The following LUZP2 variants were observed in gnomAD, a reference collection of about 807,000 sequenced individuals.
The protein encoded by LUZP2 is leucine zipper protein 2.
In LUZP2, 52 loss-of-function variants were observed where a neutral mutation model predicts 51.6. The ratio of observed to expected loss-of-function variants is 1.01; its 90% CI spans 0.81 to 1.27. The LOEUF (loss-of-function observed/expected upper bound fraction) is 1.27. LUZP2 is among the 50% of genes most tolerant of loss of function. The probability of loss-of-function intolerance (pLI) is 0.00; values close to 1 mark genes in which losing one functional copy is unlikely to be tolerated. For missense variants in LUZP2, 436 were observed against 395.4 expected (o/e 1.10, Z -0.87); for synonymous variants, 154 against 137.3 (o/e 1.12, Z -0.85).
At chr11:24,665,615 A>T (rs1042845891) in intron 1 of LUZP2, among the ~76,000 whole-genome samples, 4 of 152,112 alleles carry the variant, frequency 2.6e-5, no homozygotes, top group Non-Finnish European at 2.9e-5. Flanking sequence ...ATTTCCCCCC[A>T]TGCTATTCTC....
At chr11:24,572,648 G>A (rs1244978381) in intron 1 of LUZP2, among the ~76,000 whole-genome samples, 1 of 151,986 alleles carries the variant, frequency 6.6e-6, no homozygotes, top group Non-Finnish European at 1.5e-5. Flanking sequence ...AAAACTGAGG[G>A]GTGAAGCCTG....
At chr11:24,991,392 G>A (rs1350804118) in intron 9 of LUZP2, among the ~76,000 whole-genome samples, 1,478 of 104,344 alleles carry the variant, frequency 0.014, 34 homozygotes, top group East Asian at 0.092. Flanking sequence ...GTGTGTGTGT[G>A]TGTGTATATA....
In LUZP2 at chr11:24,922,918, G is replaced by C. The variant is rs181977143; in HGVS notation, c.522+8380G>C. Among the ~76,000 whole-genome samples the C allele has an allele frequency of 3.7e-3, 509 of 136,906 alleles. 6 individuals carry two copies. The highest frequency in any genetic ancestry group is 0.013 in the African/African-American group (464 of 36,220). The allele number at this position is 136,906 out of a possible 152,430, so 89.8% of individuals were successfully genotyped here. On this transcript the variant is annotated intron_variant, in intron 7 of 11. Transcript: ENST00000336930. Reference sequence around the variant, plus strand: ...GGCTGGAGTGCAGTGGCACGATCTCGGCTTACTGAAAGCTCCGCCTCCCGG... The same window carrying C: ...GGCTGGAGTGCAGTGGCACGATCTCCGCTTACTGAAAGCTCCGCCTCCCGG...
chr11:24,986,127 T>C (rs2133919221), intron 9 of LUZP2, among the ~76,000 whole-genome samples: 1 of 151,884 alleles, frequency 6.6e-6, no homozygotes. Flanking sequence ...CATGTCACTG[T>C]GTTTATTCAG....
chr11:24,568,367 A>T (rs942370618), intron 1 of LUZP2, among the ~76,000 whole-genome samples: 8 of 151,846 alleles, frequency 5.3e-5, no homozygotes, highest in African/African-American at 1.9e-4. Flanking sequence ...AAAAAAAAAA[A>T]AAAAAAGGAC....
At chr11:24,700,619 G>C (rs888941555) in intron 1 of LUZP2, among the ~76,000 whole-genome samples, 3 of 151,714 alleles carry the variant, frequency 2.0e-5, no homozygotes, top group African/African-American at 7.3e-5. Context: ...ACTTAAAATT[G>C]GTGCTAAATA....
chr11:24,775,823 T>C (rs191405076), intron 5 of LUZP2, among the ~76,000 whole-genome samples: 25 of 152,284 alleles, frequency 1.6e-4, no homozygotes, highest in African/African-American at 6.0e-4. Flanking sequence ...TTTAGCTCTT[T>C]ACTCTTATGC....
intron 7 of LUZP2, among the ~76,000 whole-genome samples, chr11:24,923,550 A>G (rs1272375756): frequency 6.6e-6 from 1 of 152,020 alleles, no homozygotes; most frequent in African/African-American, 2.4e-5. Context: ...TACAAAAATT[A>G]GCTGGGCTTG....
chr11:24,532,278 A>T (rs188171727), intron 1 of LUZP2, among the ~76,000 whole-genome samples: 313 of 151,092 alleles, frequency 2.1e-3, no homozygotes, highest in Non-Finnish European at 3.6e-3. Flanking sequence ...AATAAGAATA[A>T]TTCATTTATA....
At chr11:24,783,627 A>G (rs1402325891) in intron 5 of LUZP2, among the ~76,000 whole-genome samples, 1 of 151,906 alleles carries the variant, frequency 6.6e-6, no homozygotes, top group Non-Finnish European at 1.5e-5. Context: ...GCAACCTTCA[A>G]CTTCTGTGGA....
chr11:24,959,414 A>G (rs1445000057), intron 7 of LUZP2, among the ~76,000 whole-genome samples: 3 of 151,968 alleles, frequency 2.0e-5, no homozygotes, highest in African/African-American at 7.3e-5. Context: ...ATTTGTTTGT[A>G]TCCTCTTTTA....
intron 9 of LUZP2, among the ~76,000 whole-genome samples, chr11:25,044,759 C>T (rs770436266): frequency 7.3e-5 from 11 of 151,674 alleles, no homozygotes; most frequent in South Asian, 2.1e-4. Flanking sequence ...CACATGCGCA[C>T]GTATGTTTAT....
At chr11:24,694,389 C>T (rs1404883789) in intron 1 of LUZP2, among the ~76,000 whole-genome samples, 1 of 152,066 alleles carries the variant, frequency 6.6e-6, no homozygotes, top group African/African-American at 2.4e-5. Flanking sequence ...ACCTTGACTA[C>T]CTTACTCAAC....
intron 4 of LUZP2, among the ~76,000 whole-genome samples, chr11:24,741,634 A>G (rs551643198): frequency 7.9e-5 from 12 of 151,406 alleles, no homozygotes; most frequent in African/African-American, 2.9e-4. Flanking sequence ...CTCATAGCTT[A>G]GCTCCCACAT....
rs61413263 is a variant in LUZP2, at chr11:24,616,475, ATG to A, written c.63-112668_63-112667del. 2.9e-3 allele frequency among the ~76,000 whole-genome samples: 280 copies of A among 98,192 alleles called. 2 individuals carry two copies. The highest frequency in any genetic ancestry group is 5.1e-3 in the African/African-American group (153 of 29,932). The allele number at this position is 98,192 out of a possible 152,430, so 64.4% of individuals were successfully genotyped here. A position where few individuals can be genotyped will look rare whatever the true frequency, so the allele number is the denominator to read the frequency against. Reference sequence around the variant, plus strand: ...TGTGTGTGTGGTATTTGGCGTGCGCATGTGTGTGTGTGTGTGTGTGTGTGTGT... The same window carrying A: ...TGTGTGTGTGGTATTTGGCGTGCGCATGTGTGTGTGTGTGTGTGTGTGTGT... On this transcript the variant is annotated intron_variant, in intron 1 of 11. Coordinates refer to ENST00000336930, the MANE Select transcript of LUZP2 (RefSeq NM_001009909.4).
intron 3 of LUZP2, 80 bp from the exon 4 acceptor site, chr11:24,738,141 C>A: frequency 1.0e-6 from 1 of 981,002 alleles, no homozygotes; most frequent in Non-Finnish European, 1.5e-6. Flanking sequence ...TACAGCAAAG[C>A]TCCTTCCTTT....
At chr11:24,875,927 T>C (rs1379228410) in intron 5 of LUZP2, among the ~76,000 whole-genome samples, 1 of 151,146 alleles carries the variant, frequency 6.6e-6, no homozygotes, top group East Asian at 1.9e-4. Context: ...GTTCATGTCC[T>C]TTGCCCACTT....
intron 1 of LUZP2, among the ~76,000 whole-genome samples, chr11:24,655,279 T>C (rs1365759090): frequency 6.6e-6 from 1 of 152,212 alleles, no homozygotes; most frequent in East Asian, 1.9e-4. Flanking sequence ...ATTAGAATTA[T>C]ACACGATTTT....
At chr11:24,939,910 C>T (rs1590754438) in intron 7 of LUZP2, among the ~76,000 whole-genome samples, 2 of 152,130 alleles carry the variant, frequency 1.3e-5, no homozygotes, top group Non-Finnish European at 2.9e-5. Context: ...CCTTCTCTTC[C>T]TGTGGTTCCT....
Sources: gnomAD v4.1 joint callset for allele counts (sites outside exome capture counted in the v4.1 genomes callset) on GRCh38, gnomAD v4.1.1 for gene constraint, MANE v1.5 for transcripts, NCBI Gene and HGNC (gene_info 2026-07-23, HGNC 2026-07-21) for gene names.